GLRA3: variants seen among roughly 807,000 people sequenced by gnomAD.
The protein encoded by GLRA3 is glycine receptor alpha 3.
In GLRA3, 44 loss-of-function variants were observed where a neutral mutation model predicts 60.4. The ratio of observed to expected loss-of-function variants is 0.73; its 90% confidence interval spans 0.57 to 0.94. The LOEUF (loss-of-function observed/expected upper bound fraction) is 0.94. GLRA3 is among the 40% of genes least tolerant of loss of function. GLRA3 has a pLI of 0.00. For synonymous variants in GLRA3, 223 were observed against 192.9 expected, an observed-to-expected ratio of 1.16 and a Z score of -1.29; for missense variants, 508 against 564.6, an observed-to-expected ratio of 0.90 and a Z score of 1.02.
rs138661241 is a variant in GLRA3 at position 174,724,445 on chromosome 4, G to A, written c.491+4030C>T. On this transcript the variant is annotated intron_variant, in intron 4 of 9. Coordinates refer to ENST00000274093, the MANE Select transcript of GLRA3 (RefSeq NM_006529.4). ...CTATTAGACAGCTCGAAATCTTACC[G>A]GTCTCATTAACTTCTGTCAATGCAT... Among the ~76,000 whole-genome samples, 11 of 152,000 alleles carry A rather than the reference G, an allele frequency of 7.2e-5. No individual in the cohort carries two copies. The East Asian group carries it at 1.9e-3, about 27-fold the overall frequency.
chr4:174,766,813 C>T (rs1738158664), intron 3 of GLRA3, 150 bp downstream of exon 3: 1 of 495,106 alleles, frequency 2.0e-6, no homozygotes, highest in Non-Finnish European at 3.6e-6. Context: ...AATGTTATTA[C>T]CTGCAGGTGA....
intron 2 of GLRA3, among the ~76,000 whole-genome samples, chr4:174,788,182 A>G (rs890080705): frequency 1.3e-5 from 2 of 152,046 alleles, no homozygotes; most frequent in African/African-American, 4.8e-5. Context: ...TACAGGATAT[A>G]TTGTGGTTCT....
At chr4:174,788,993 T>A (rs781525179) in intron 1 of GLRA3, 50 bp from the exon 2 acceptor site, 1 of 1,232,126 alleles carries the variant, frequency 8.1e-7, no homozygotes, top group Admixed American at 2.3e-5. Flanking sequence ...GTATTTCTAA[T>A]AATTGTTACC....
chr4:174,710,278 A>G (rs1057065518), intron 5 of GLRA3, among the ~76,000 whole-genome samples: 1 of 152,060 alleles, frequency 6.6e-6, no homozygotes, highest in Non-Finnish European at 1.5e-5. Context: ...TTCCTAATTC[A>G]AGCTCTATCC....
In GLRA3 at chr4:174,641,240, T is replaced by C. The variant is rs2110828012; in HGVS notation, c.*2546A>G. 6.6e-6 allele frequency: 1 copy of C among 152,284 alleles called. No individual in the cohort carries two copies. Among genetic ancestry groups the C allele is most frequent in the Middle Eastern group, 3.4e-3 (1 of 294 alleles). The allele number at this position is 152,284 out of a possible 1,614,324, so 9.4% of individuals were successfully genotyped here. Reference sequence around the variant, plus strand: ...TCCAATTTGTGTGTTTAGTAGTTAATGTATATGCACACATTTTTAATTTCT... The same window carrying C: ...TCCAATTTGTGTGTTTAGTAGTTAACGTATATGCACACATTTTTAATTTCT... On this transcript the variant is annotated 3_prime_UTR_variant, in exon 10 of 10. Transcript: ENST00000274093.
chr4:174,657,212 T>C (rs748870128), intron 8 of GLRA3, among the ~76,000 whole-genome samples: 1 of 152,154 alleles, frequency 6.6e-6, no homozygotes, highest in Non-Finnish European at 1.5e-5. Context: ...TTGGTAAAAA[T>C]AATTTTTTAA....
chr4:174,800,905 G>T (rs892084528), intron 1 of GLRA3, among the ~76,000 whole-genome samples: 1 of 148,150 alleles, frequency 6.7e-6, no homozygotes, highest in African/African-American at 2.5e-5. Context: ...AAATAATACA[G>T]ATTACATCTG....
intron 5 of GLRA3, among the ~76,000 whole-genome samples, chr4:174,708,533 A>G (rs1448183398): frequency 5.3e-5 from 8 of 151,722 alleles, no homozygotes; most frequent in African/African-American, 1.9e-4. Flanking sequence ...TTTGGCAGAC[A>G]ATACTTCTTC....
chr4:174,826,740 C>T (rs1740985029), intron 1 of GLRA3, among the ~76,000 whole-genome samples: 1 of 152,046 alleles, frequency 6.6e-6, no homozygotes, highest in African/African-American at 2.4e-5. Context: ...AGAATTAATG[C>T]CAATACTTTC....
intron 7 of GLRA3, among the ~76,000 whole-genome samples, chr4:174,663,545 C>T (rs1579407277): frequency 6.6e-6 from 1 of 152,146 alleles, no homozygotes. Flanking sequence ...TCATTTGTGC[C>T]TGTCAGGGTT....
At chr4:174,682,265 A>G (rs1218247418) in intron 6 of GLRA3, among the ~76,000 whole-genome samples, 1 of 152,198 alleles carries the variant, frequency 6.6e-6, no homozygotes, top group African/African-American at 2.4e-5. Context: ...CGATGTACAA[A>G]TATCACATTG....
Position 174,826,935 on chromosome 4 carries a change from C to T in GLRA3, c.71+1806G>A, listed in dbSNP as rs111420591. ...GGGGTCATCACTAAAAGTGAAAATG[C>T]TTAATTTTTTACATATAATTAAAGT... On this transcript the variant is annotated intron_variant, in intron 1 of 9. Transcript: ENST00000274093. 2.6e-3 allele frequency among the ~76,000 whole-genome samples: 377 copies of T among 145,450 alleles called. 2 individuals are homozygous for T. The highest frequency in any genetic ancestry group is 9.3e-3 in the African/African-American group (365 of 39,296).
intron 1 of GLRA3, among the ~76,000 whole-genome samples, chr4:174,803,931 G>T (rs1739923218): frequency 6.6e-6 from 1 of 152,158 alleles, no homozygotes; most frequent in Non-Finnish European, 1.5e-5. Context: ...CAAACTTGTA[G>T]TTGTAGGGGC....
chr4:174,715,455 A>G lies in GLRA3; in HGVS notation c.574+33T>C, dbSNP rs201046438. On this transcript the variant is annotated intron_variant, in intron 5 of 9. Transcript: ENST00000274093. ...AAAGCTTGTATCTACTATAATGTAA[A>G]AGTATTTTAAAAAGTAAGTGGTTCA... 1.6e-4 allele frequency: 152 copies of G among 969,902 alleles called. No individual in the cohort carries two copies. In the African/African-American group the frequency reaches 1.8e-3, roughly 12 times the overall value. 60.1% of individuals were successfully genotyped at this position (969,902 alleles called of 1,614,324 possible).
chr4:174,801,900 T>C (rs1348530448), intron 1 of GLRA3, among the ~76,000 whole-genome samples: 1 of 152,102 alleles, frequency 6.6e-6, no homozygotes, highest in African/African-American at 2.4e-5. Context: ...ACAGGATTGG[T>C]ATATGTCTAT....
At chr4:174,697,901 C>T (rs761580647) in intron 5 of GLRA3, among the ~76,000 whole-genome samples, 2 of 152,118 alleles carry the variant, frequency 1.3e-5, no homozygotes, top group African/African-American at 2.4e-5. Flanking sequence ...GGAAAGGCAT[C>T]GTGGTTGGTT....
chr4:174,828,862 G>A lies in GLRA3; in HGVS notation c.-51C>T, dbSNP rs771658857. 8.4e-7 allele frequency: 1 copy of A among 1,196,134 alleles called. No individual in the cohort carries two copies. Among genetic ancestry groups the A allele is most frequent in the Non-Finnish European group, 1.3e-6 (1 of 798,438 alleles). 74.1% of individuals were successfully genotyped at this position (1,196,134 alleles called of 1,614,324 possible). A position where few individuals can be genotyped will look rare whatever the true frequency, so the allele number is the denominator to read the frequency against. On this transcript the variant is annotated 5_prime_UTR_variant, in exon 1 of 10. Coordinates refer to ENST00000274093, the MANE Select transcript of GLRA3 (RefSeq NM_006529.4). Reference sequence around the variant, plus strand: ...GAAAATAGTCTTATCCAAGGCATGGGGAACCAGAAAGACAGAATGAAAATG... The same window carrying A: ...GAAAATAGTCTTATCCAAGGCATGGAGAACCAGAAAGACAGAATGAAAATG...
intron 1 of GLRA3, among the ~76,000 whole-genome samples, chr4:174,808,227 C>T (rs1160841368): frequency 1.3e-5 from 2 of 152,042 alleles, no homozygotes; most frequent in African/African-American, 4.8e-5. Context: ...GGGTATTATT[C>T]AGATGTATGG....
At chr4:174,694,079 T>G (rs1042526040) in intron 5 of GLRA3, among the ~76,000 whole-genome samples, 12 of 152,104 alleles carry the variant, frequency 7.9e-5, no homozygotes, top group African/African-American at 2.9e-4. Context: ...GGCATTGAGA[T>G]TCATAAAGCA....
Sources: allele counts gnomAD v4.1 joint callset (sites outside exome capture counted in the v4.1 genomes callset), GRCh38; gene constraint gnomAD v4.1.1; transcripts MANE v1.5; gene names NCBI Gene and HGNC (gene_info 2026-07-23, HGNC 2026-07-21).